ZNF362: variants seen among roughly 807,000 people sequenced by gnomAD.
The protein encoded by ZNF362 is rotund homolog.
In ZNF362, 11 loss-of-function variants were observed where a neutral mutation model predicts 42.9. That is an observed-to-expected ratio of 0.26 (90% CI 0.16 to 0.42). ZNF362 has a LOEUF of 0.42. ZNF362 is among the 20% of genes least tolerant of loss of function. The pLI, the probability that ZNF362 is intolerant of heterozygous loss-of-function variation, is 1.00. For synonymous variants in ZNF362, 255 were observed against 257.3 expected (o/e 0.99, Z 0.09); for missense variants, 362 against 576.2 (o/e 0.63, Z 3.81).
chr1:33,228,554 C>T, the ZNF362 span, among the ~76,000 whole-genome samples: 1 of 152,188 alleles, frequency 6.6e-6, no homozygotes, highest in Non-Finnish European at 1.5e-5. Context: ...GAAATGTTTA[C>T]TGCATTCTTC....
rs772941427 is a variant in ZNF362, at chr1:33,270,621, C to A, written c.38+9C>A. 12 of 1,612,354 alleles carry A rather than the reference C, an allele frequency of 7.4e-6. No homozygotes were observed. The highest frequency in any genetic ancestry group is 1.1e-5 in the South Asian group (1 of 90,890). ...GGGAAAGGACACTCTAGGTAAGGAG[C>A]CTGTGATTCCAGGTTGCACTCTGTC... is the stretch of plus-strand genomic sequence containing the variant. On this transcript the variant is annotated intron_variant, in intron 2 of 8. Transcript: ENST00000539719.
intron 6 of ZNF362, among the ~76,000 whole-genome samples, chr1:33,286,323 T>C (rs1336324612): frequency 6.6e-6 from 1 of 151,838 alleles, no homozygotes; most frequent in Non-Finnish European, 1.5e-5. Context: ...ATAATAATGA[T>C]GAAGAATTCT....
chr1:33,233,008 A>G, the ZNF362 span, among the ~76,000 whole-genome samples: 1 of 152,264 alleles, frequency 6.6e-6, no homozygotes, highest in East Asian at 1.9e-4. Flanking sequence ...TACTAAGAAG[A>G]AAACTGAAAT....
chr1:33,296,490 C>T (rs1646125326), intron 8 of ZNF362, among the ~76,000 whole-genome samples: 2 of 152,138 alleles, frequency 1.3e-5, no homozygotes, highest in South Asian at 4.1e-4. Flanking sequence ...GGCAAAATCA[C>T]CTCAATTGAG....
chr1:33,153,136 G>A, the ZNF362 span, among the ~76,000 whole-genome samples: 2 of 152,214 alleles, frequency 1.3e-5, no homozygotes, highest in Admixed American at 1.3e-4. Flanking sequence ...CTGAGCTGGA[G>A]GGGAGGGGCA....
chr1:33,274,021 C>T (rs1024929657), intron 2 of ZNF362, among the ~76,000 whole-genome samples: 5 of 152,340 alleles, frequency 3.3e-5, no homozygotes, highest in East Asian at 3.9e-4. Flanking sequence ...CCTCCTTACC[C>T]TGGCTTTACA....
rs2148108589 is a variant in ZNF362, at chr1:33,280,585, A to G, written c.683+128A>G. On this transcript the variant is annotated intron_variant, in intron 5 of 8. Coordinates refer to ENST00000539719, the MANE Select transcript of ZNF362 (RefSeq NM_152493.3). The surrounding 1 kb of genome is among the most constrained non-coding windows in gnomAD (Gnocchi z 5.6). ...GCTGAGGGGCAGGGCTAGGGTCCAG[A>G]GGGGCGGGGCCTTCTGGAGAGCCCC... The G allele has an allele frequency of 7.0e-7, 1 of 1,432,582 alleles. No individual in the cohort carries two copies. The highest frequency in any genetic ancestry group is 9.2e-7 in the Non-Finnish European group (1 of 1,090,046). 88.7% of individuals were successfully genotyped at this position (1,432,582 alleles called of 1,614,324 possible).
chr1:33,169,098 G>A, the ZNF362 span, among the ~76,000 whole-genome samples: 3 of 152,198 alleles, frequency 2.0e-5, no homozygotes, highest in South Asian at 2.1e-4. Context: ...CTGTGTCAAG[G>A]ATGGGGAGAG....
the ZNF362 span, among the ~76,000 whole-genome samples, chr1:33,243,108 A>G: frequency 6.9e-5 from 10 of 144,442 alleles, no homozygotes; most frequent in South Asian, 4.5e-4. Context: ...CACAACTGTT[A>G]TTATGTTATG....
chr1:33,168,832 C>T, the ZNF362 span, among the ~76,000 whole-genome samples: 1 of 152,170 alleles, frequency 6.6e-6, no homozygotes, highest in Non-Finnish European at 1.5e-5. Context: ...CTACAATTCT[C>T]CCCCTGGTGG....
chr1:33,191,041 A>C, the ZNF362 span, among the ~76,000 whole-genome samples: 1 of 152,198 alleles, frequency 6.6e-6, no homozygotes, highest in Non-Finnish European at 1.5e-5. Flanking sequence ...GGTTTCTTGG[A>C]ACTTCTCTTG....
the ZNF362 span, among the ~76,000 whole-genome samples, chr1:33,227,025 G>A: frequency 3.3e-5 from 5 of 152,174 alleles, no homozygotes; most frequent in African/African-American, 9.6e-5. Context: ...GCTGAGGGAA[G>A]GGATGAGAAT....
chr1:33,285,870 C>A (rs1444836984), intron 6 of ZNF362, among the ~76,000 whole-genome samples: 1 of 152,160 alleles, frequency 6.6e-6, no homozygotes, highest in South Asian at 2.1e-4. Flanking sequence ...TGAGACCAGC[C>A]TGGTCAACAT....
chr1:33,158,305 T>A, the ZNF362 span: 1 of 1,613,994 alleles, frequency 6.2e-7, no homozygotes. Flanking sequence ...GCAGGGGGCC[T>A]GTGTACTTGG....
the ZNF362 span, among the ~76,000 whole-genome samples, chr1:33,150,183 A>G: frequency 6.6e-6 from 1 of 152,220 alleles, no homozygotes; most frequent in South Asian, 2.1e-4. Flanking sequence ...GAGATGAGGA[A>G]AAGTGGGAAG....
chr1:33,218,997 C>A, the ZNF362 span, among the ~76,000 whole-genome samples: 10 of 142,756 alleles, frequency 7.0e-5, no homozygotes, highest in South Asian at 2.4e-3. Context: ...CACCCCCTGC[C>A]CCCCCGCAAG....
the ZNF362 span, among the ~76,000 whole-genome samples, chr1:33,204,655 A>G: frequency 6.6e-6 from 1 of 152,202 alleles, no homozygotes; most frequent in Non-Finnish European, 1.5e-5. Flanking sequence ...AATGGCATTT[A>G]TGAAAAACCT....
At chr1:33,199,526 G>T in the ZNF362 span, among the ~76,000 whole-genome samples, 63 of 152,152 alleles carry the variant, frequency 4.1e-4, no homozygotes, top group African/African-American at 1.5e-3. Context: ...AAATGTTAAA[G>T]GAAGTTATTC....
At chr1:33,221,171 G>C in the ZNF362 span, among the ~76,000 whole-genome samples, 2 of 152,166 alleles carry the variant, frequency 1.3e-5, no homozygotes, top group African/African-American at 4.8e-5. Context: ...TTGGCAGTGG[G>C]TGGTGGGTGT....
Sources: gnomAD v4.1 joint callset for allele counts (sites outside exome capture counted in the v4.1 genomes callset) on GRCh38, gnomAD v4.1.1 for gene constraint, Gnocchi (gnomAD v3.1) non-coding constraint, MANE v1.5 for transcripts, NCBI Gene and HGNC (gene_info 2026-07-23, HGNC 2026-07-21) for gene names.